The following RPGRIP1L variants were observed in gnomAD, a reference collection of about 807,000 sequenced individuals.
RPGRIP1L encodes protein fantom.
In RPGRIP1L, 131 loss-of-function variants were observed where a neutral mutation model predicts 160.4. The observed-to-expected ratio is 0.82, with a 90% CI of 0.71 to 0.94. The LOEUF (loss-of-function observed/expected upper bound fraction) is 0.94. Among genes scored for constraint, RPGRIP1L ranks in the 40% least tolerant of loss-of-function variants. The pLI is 0.00. For synonymous variants in RPGRIP1L, 510 were observed against 515.8 expected, an observed-to-expected ratio of 0.99 and a Z score of 0.15; for missense variants, 1,522 against 1,535.8, an observed-to-expected ratio of 0.99 and a Z score of 0.15.
At chr16:53,689,534 T>C (rs1970249389) in intron 4 of RPGRIP1L, among the ~76,000 whole-genome samples, 1 of 152,216 alleles carries the variant, frequency 6.6e-6, no homozygotes, top group South Asian at 2.1e-4. Context: ...TATATTACAT[T>C]GATCACACAT....
rs753399833 is a variant in RPGRIP1L, at chr16:53,641,389, T to G, written c.2770A>C (p.Ser924Arg). The G allele has an allele frequency of 2.5e-5, 41 of 1,613,958 alleles. No individual in the cohort carries two copies. Among genetic ancestry groups the G allele is most frequent in the Non-Finnish European group, 3.4e-5 (40 of 1,179,954 alleles). Residue 924 changes from serine to arginine, a missense_variant, in exon 18 of 27, where the codon AGT becomes CGT. Ser to Arg is a moderately radical substitution (Grantham distance 110). Transcript: ENST00000647211. ...AAGTCTTCAGTTGTTATTGATCCAC[T>G]TGGTGGAAGGTAAGCAAATTTCCAT... Reference protein sequence around the residue: ...LKWKFAYLPPSGSITTEDLGN... With the variant: ...LKWKFAYLPPRGSITTEDLGN...
chr16:53,646,102 G>A (rs1966529015), intron 16 of RPGRIP1L, 99 bp from the exon 17 acceptor site: 3 of 1,073,612 alleles, frequency 2.8e-6, no homozygotes, highest in Non-Finnish European at 4.2e-6. Flanking sequence ...AATGACAAAA[G>A]CTGCATATTT....
intron 9 of RPGRIP1L, among the ~76,000 whole-genome samples, chr16:53,665,861 A>AT (rs928898379): frequency 6.6e-6 from 1 of 152,120 alleles, no homozygotes; most frequent in Non-Finnish European, 1.5e-5. Context: ...ACTTAGGGAG[A>AT]TTTTAAAATG....
chr16:53,692,867 A>G (rs934210368), intron 3 of RPGRIP1L, among the ~76,000 whole-genome samples: 3 of 152,382 alleles, frequency 2.0e-5, no homozygotes, highest in African/African-American at 7.2e-5. Flanking sequence ...GCACACATAT[A>G]AAGCCCAATG....
chr16:53,639,058 C>A (rs968117043), intron 19 of RPGRIP1L, among the ~76,000 whole-genome samples: 2 of 151,534 alleles, frequency 1.3e-5, no homozygotes, highest in Non-Finnish European at 3.0e-5. Context: ...ATGTCATATG[C>A]TAGCATAGGT....
intron 15 of RPGRIP1L, 94 bp downstream of exon 15, chr16:53,652,441 T>C (rs936636434): frequency 2.0e-6 from 2 of 996,246 alleles, no homozygotes; most frequent in African/African-American, 3.2e-5. Flanking sequence ...AAGGCACCTT[T>C]AATATACAAG....
chr16:53,628,876 T>C (rs1311461557), intron 22 of RPGRIP1L: 1 of 152,208 alleles, frequency 6.6e-6, no homozygotes, highest in Non-Finnish European at 1.5e-5. Flanking sequence ...AATTACTATG[T>C]CCTTGCAGTG....
At chr16:53,662,348 T>C (rs1188890824) in intron 10 of RPGRIP1L, among the ~76,000 whole-genome samples, 3 of 152,130 alleles carry the variant, frequency 2.0e-5, no homozygotes, top group Admixed American at 6.6e-5. Flanking sequence ...AATTTAAGCA[T>C]TAACCAAATG....
Position 53,686,501 on chromosome 16 carries a change from CAACT to C in RPGRIP1L, c.704_707del (p.Gln235ArgfsTer31). 3 of 1,613,626 alleles carry C rather than the reference CAACT, an allele frequency of 1.9e-6. No homozygotes were observed. The highest frequency in any genetic ancestry group is 2.5e-6 in the Non-Finnish European group (3 of 1,179,718). ...ACTCAATTTCATTTTCTTTTCTCCT[CAACT>C]GAGTTTTCAGGATCTCAGCCAAGTG... On this transcript the variant is annotated frameshift_variant, in exon 6 of 27. Coordinates refer to ENST00000647211, the MANE Select transcript of RPGRIP1L (RefSeq NM_015272.5). LOFTEE classifies it high-confidence loss of function.
At chr16:53,630,637 G>C (rs961283776) in intron 22 of RPGRIP1L, among the ~76,000 whole-genome samples, 1 of 152,086 alleles carries the variant, frequency 6.6e-6, no homozygotes, top group Non-Finnish European at 1.5e-5. Flanking sequence ...ATATTAGTAA[G>C]AGTTAGTTAA....
chr16:53,672,990 G>C lies in RPGRIP1L; in HGVS notation c.909C>G (p.His303Gln). 1 of 1,613,102 alleles carries C rather than the reference G, an allele frequency of 6.2e-7. No homozygotes were observed. Among genetic ancestry groups the C allele is most frequent in the South Asian group, 1.1e-5 (1 of 91,048 alleles). Residue 303 changes from histidine to glutamine, a missense_variant, in exon 8 of 27, where the codon CAC becomes CAG. His to Gln is a conservative substitution (Grantham distance 24). Transcript: ENST00000647211. ...QEKQRTLRIS[H>Q]DALMANGDEL... ...CATCCCCATTTGCCATCAAAGCATC[G>C]TGGCTGATTCTGAGAGTTCTTTGCT...
In RPGRIP1L at chr16:53,656,501, A is replaced by G. The variant is rs536811482; in HGVS notation, c.1670T>C (p.Ile557Thr). Residue 557 changes from isoleucine to threonine, a missense_variant, in exon 14 of 27, where the codon ATC (isoleucine) becomes ACC (threonine). Physicochemically the swap from Ile to Thr is moderately conservative, Grantham distance 89. Coordinates refer to ENST00000647211, the MANE Select transcript of RPGRIP1L (RefSeq NM_015272.5). ...TAGTTTATGGATACGTGCAGCCCTG[A>G]TATCAAGAAGATGAACATACTGTTC... is the stretch of plus-strand genomic sequence containing the variant. ...KVEQYVHLLD[I>T]RAARIHKLEA... The G allele has an allele frequency of 1.2e-6, 2 of 1,613,622 alleles. No individual in the cohort carries two copies. Among genetic ancestry groups the G allele is most frequent in the East Asian group, 2.2e-5 (1 of 44,860 alleles).
chr16:53,622,549 A>G (rs927775320), intron 22 of RPGRIP1L, among the ~76,000 whole-genome samples, 193 bp from the exon 23 acceptor site: 4 of 151,926 alleles, frequency 2.6e-5, no homozygotes, highest in Non-Finnish European at 5.9e-5. Flanking sequence ...AAGACATAGC[A>G]GCATCCTTGC....
At chr16:53,632,195 G>T (rs533848218) in intron 22 of RPGRIP1L, among the ~76,000 whole-genome samples, 51 of 152,302 alleles carry the variant, frequency 3.3e-4, no homozygotes, top group African/African-American at 1.2e-3. Context: ...GTCAGATTCT[G>T]TAACATGAAG....
chr16:53,660,061 G>A (rs1274707752), intron 10 of RPGRIP1L, among the ~76,000 whole-genome samples: 1 of 152,102 alleles, frequency 6.6e-6, no homozygotes, highest in Non-Finnish European at 1.5e-5. Context: ...AATTCATAAA[G>A]AGACTAATTT....
At chr16:53,608,392 C>G (rs1409531746) in intron 25 of RPGRIP1L, among the ~76,000 whole-genome samples, 1 of 152,118 alleles carries the variant, frequency 6.6e-6, no homozygotes, top group Non-Finnish European at 1.5e-5. Context: ...ATTTATCTGT[C>G]TATTATCATC....
chr16:53,623,276 G>A (rs930790940), intron 22 of RPGRIP1L, among the ~76,000 whole-genome samples: 2 of 152,160 alleles, frequency 1.3e-5, no homozygotes, highest in Non-Finnish European at 2.9e-5. Context: ...ACTGGTAGCC[G>A]ATTGATGAGC....
Position 53,645,675 on chromosome 16 carries a change from C to A in RPGRIP1L, c.2633G>T (p.Gly878Val). Residue 878 changes from glycine to valine, a missense_variant, in exon 17 of 27, where the codon GGA (glycine) becomes GTA (valine). By Grantham distance (109) the Gly-to-Val change is moderately radical. Coordinates refer to ENST00000647211, the MANE Select transcript of RPGRIP1L (RefSeq NM_015272.5). Reference sequence around the variant, plus strand: ...CGAAATCAGAGGCACATTGACTTTTCCTATGTAAATATTCTCCTGGGTATC... The same window carrying A: ...CGAAATCAGAGGCACATTGACTTTTACTATGTAAATATTCTCCTGGGTATC... ...DSDTQENIYI[G>V]KVNVPLISLA... 1 of 1,613,980 alleles carries A rather than the reference C, an allele frequency of 6.2e-7. No individual in the cohort carries two copies. The highest frequency in any genetic ancestry group is 8.5e-7 in the Non-Finnish European group (1 of 1,179,962).
chr16:53,672,690 C>T (rs1451644998), intron 8 of RPGRIP1L, among the ~76,000 whole-genome samples, 180 bp downstream of exon 8: 7 of 152,158 alleles, frequency 4.6e-5, no homozygotes, highest in Non-Finnish European at 2.9e-5. Flanking sequence ...TTTGCAAGTA[C>T]AGTTAAACAC....
Sources: allele counts gnomAD v4.1 joint callset (sites outside exome capture counted in the v4.1 genomes callset), GRCh38; gene constraint gnomAD v4.1.1; transcripts MANE v1.5; gene names NCBI Gene and HGNC (gene_info 2026-07-23, HGNC 2026-07-21).